Variants in ABCA13 observed in about 807,000 individuals in gnomAD.
The protein encoded by ABCA13 is ATP-binding cassette sub-family A member 13.
ABCA13 carries 476 observed loss-of-function variants against 478.7 expected under a neutral mutation model. The observed-to-expected ratio is 0.99, with a 90% confidence interval of 0.92 to 1.07. The LOEUF (loss-of-function observed/expected upper bound fraction) is 1.07, where lower values mean the gene tolerates loss of function less well. ABCA13 is among the 50% of genes least tolerant of loss of function. ABCA13 has a pLI of 0.00. For synonymous variants in ABCA13, 2,252 were observed against 2,158.9 expected (o/e 1.04, Z -1.20); for missense variants, 6,060 against 5,910.6 (o/e 1.03, Z -0.83).
At chr7:48,574,690 G>A (rs1787995298) in intron 55 of ABCA13, among the ~76,000 whole-genome samples, 1 of 152,070 alleles carries the variant, frequency 6.6e-6, no homozygotes, top group Non-Finnish European at 1.5e-5. Flanking sequence ...GCTTTGCTTA[G>A]CTCCTCTGCC....
At position 48,352,251 on chromosome 7, in the gene ABCA13, C is replaced by G. The variant is rs1809133026; in HGVS notation, c.10452C>G (p.Val3484=). ...RSESVKLPPH[V]SYTIRTNVLY... is the part of the protein sequence containing the mutation. Reference sequence around the variant, plus strand: ...AGTCTGTCAAACTGCCACCCCATGTCTCATACACAATCCGGACCAATGTGT... The same window carrying G: ...AGTCTGTCAAACTGCCACCCCATGTGTCATACACAATCCGGACCAATGTGT... Residue 3484 remains valine (V), a synonymous_variant, in exon 31 of 62, where the codon GTC becomes GTG. Transcript: ENST00000435803. 6.2e-7 allele frequency: 1 copy of G among 1,613,754 alleles called. No individual in the cohort carries two copies. The highest frequency in any genetic ancestry group is 1.3e-5 in the African/African-American group (1 of 74,890).
At chr7:48,565,310 G>A (rs965914141) in intron 55 of ABCA13, among the ~76,000 whole-genome samples, 3 of 147,530 alleles carry the variant, frequency 2.0e-5, no homozygotes, top group African/African-American at 7.6e-5. Flanking sequence ...ATAATTGTGT[G>A]TTAATTTTTC....
At chr7:48,302,017 G>T (rs1800219235) in intron 23 of ABCA13, among the ~76,000 whole-genome samples, 1 of 152,158 alleles carries the variant, frequency 6.6e-6, no homozygotes, top group African/African-American at 2.4e-5. Flanking sequence ...AAGGGCATTT[G>T]TGTCTCATTT....
intron 56 of ABCA13, among the ~76,000 whole-genome samples, chr7:48,585,421 C>A (rs1789089398): frequency 6.6e-6 from 1 of 152,054 alleles, no homozygotes; most frequent in Non-Finnish European, 1.5e-5. Context: ...TCTTTTAGGC[C>A]TTGAAATCTG....
chr7:48,549,075 C>T (rs1335231536), intron 55 of ABCA13, among the ~76,000 whole-genome samples: 8 of 151,596 alleles, frequency 5.3e-5, no homozygotes, highest in Admixed American at 5.3e-4. Flanking sequence ...ACTTTAAGTT[C>T]CAGGATACAA....
At chr7:48,528,387 A>G in intron 55 of ABCA13, 42 bp downstream of exon 55, 2 of 1,355,456 alleles carry the variant, frequency 1.5e-6, no homozygotes, top group Non-Finnish European at 2.0e-6. Context: ...TAAAGAGATA[A>G]TAAGCCCAGA....
In ABCA13 at chr7:48,278,735, A is replaced by T; in HGVS notation, c.7541A>T (p.Asp2514Val). Residue 2514 changes from aspartate (D) to valine (V), a missense_variant, in exon 18 of 62, where the codon GAT becomes GTT. Physicochemically the swap from Asp to Val is radical, Grantham distance 152 (BLOSUM62 -3). Around this residue, in one of 3 missense-constraint regions of ABCA13, gnomAD observed 4,423 missense variants for 4,309.1 expected, o/e 1.03. Coordinates refer to ENST00000435803, the MANE Select transcript of ABCA13 (RefSeq NM_152701.5). Reference sequence around the variant, plus strand: ...TTGAATGACAGTGCTGACCTGAGAGATCTTGCCACATCAATGGACTCCATT... The same window carrying T: ...TTGAATGACAGTGCTGACCTGAGAGTTCTTGCCACATCAATGGACTCCATT... ...MLLNDSADLR[D>V]LATSMDSIVK... 6.2e-7 allele frequency: 1 copy of T among 1,613,960 alleles called. No individual in the cohort carries two copies. The highest frequency in any genetic ancestry group is 8.5e-7 in the Non-Finnish European group (1 of 1,179,878).
chr7:48,552,531 T>C (rs1785421623), intron 55 of ABCA13, among the ~76,000 whole-genome samples: 1 of 151,456 alleles, frequency 6.6e-6, no homozygotes, highest in Non-Finnish European at 1.5e-5. Context: ...TCTTGGTTTT[T>C]AGCAAGGTTT....
intron 30 of ABCA13, 56 bp downstream of exon 30, chr7:48,350,875 ATTTTGG>A: frequency 6.5e-7 from 1 of 1,547,306 alleles, no homozygotes; most frequent in Non-Finnish European, 8.8e-7. Context: ...GTAAGTTGTC[ATTTTGG>A]GAGTTTCTCC....
intron 54 of ABCA13, among the ~76,000 whole-genome samples, chr7:48,526,825 G>A (rs1832919792): frequency 6.6e-6 from 1 of 152,078 alleles, no homozygotes; most frequent in African/African-American, 2.4e-5. Context: ...TCTCCATCTA[G>A]AAATTAATAA....
At chr7:48,554,190 G>A (rs1175023844) in intron 55 of ABCA13, among the ~76,000 whole-genome samples, 2 of 151,994 alleles carry the variant, frequency 1.3e-5, no homozygotes, top group African/African-American at 2.4e-5. Flanking sequence ...CTATGTGCCT[G>A]TTTTTATGCC....
At chr7:48,386,693 T>G (rs931309594) in intron 35 of ABCA13, among the ~76,000 whole-genome samples, 2 of 152,174 alleles carry the variant, frequency 1.3e-5, no homozygotes, top group African/African-American at 4.8e-5. Flanking sequence ...TGCAGAAAAT[T>G]GAAACTGAAC....
At chr7:48,536,948 AG>A (rs1833625325) in intron 55 of ABCA13, among the ~76,000 whole-genome samples, 1 of 151,980 alleles carries the variant, frequency 6.6e-6, no homozygotes. Flanking sequence ...GTGTTTCCTT[AG>A]AAACTCATTA....
In ABCA13 at chr7:48,229,898, C is replaced by T. The variant is rs1332798139; in HGVS notation, c.706C>T (p.Leu236=). The change falls in exon 7 of 62, where the codon CTG becomes TTG. Residue 236 remains leucine (L), a synonymous_variant. Coordinates refer to ENST00000435803, the MANE Select transcript of ABCA13 (RefSeq NM_152701.5). ...TTTTTCCCAGGTTTCTGAACTTGTA[C>T]TGAATGTGACCATTTCGACACTGAC... ...QTFSQVSELV[L]NVTISTLTFL... 2 of 1,613,902 alleles carry T rather than the reference C, an allele frequency of 1.2e-6. No individual in the cohort carries two copies. The highest frequency in any genetic ancestry group is 1.1e-5 in the South Asian group (1 of 91,090).
At chr7:48,403,310 A>G (rs183780377) in intron 38 of ABCA13, among the ~76,000 whole-genome samples, 86 of 152,314 alleles carry the variant, frequency 5.6e-4, no homozygotes, top group Non-Finnish European at 1.1e-3. Context: ...TTCTGACCAC[A>G]CTGGTACATC....
rs77668660 is a variant in ABCA13 at position 48,522,942 on chromosome 7, G to A, written c.14052-1306G>A. Among the ~76,000 whole-genome samples the A allele has an allele frequency of 2.7e-3, 406 of 152,334 alleles. 2 individuals are homozygous for A. The highest frequency in any genetic ancestry group is 5.0e-3 in the Non-Finnish European group (341 of 68,026). ...AGTGGGAAGACTTCCAAAAGTCCAG[G>A]ATAGGGTGAAAGGTCAATAAACACA... On this transcript the variant is annotated intron_variant, in intron 53 of 61. Transcript: ENST00000435803.
At chr7:48,300,671 T>A (rs948604382) in intron 23 of ABCA13, among the ~76,000 whole-genome samples, 62 of 152,170 alleles carry the variant, frequency 4.1e-4, no homozygotes, top group African/African-American at 1.3e-3. Context: ...TACCATCTCA[T>A]TTTTCTTTCC....
chr7:48,360,752 A>G (rs761171447), intron 31 of ABCA13, among the ~76,000 whole-genome samples: 8 of 151,994 alleles, frequency 5.3e-5, no homozygotes, highest in Non-Finnish European at 1.2e-4. Flanking sequence ...TTTTTGTGCT[A>G]CATACTCATT....
intron 41 of ABCA13, among the ~76,000 whole-genome samples, chr7:48,413,664 G>A (rs1411026803): frequency 6.6e-6 from 1 of 152,154 alleles, no homozygotes; most frequent in East Asian, 1.9e-4. Context: ...TGATTCCTTG[G>A]GTTAGTGATG....
Sources: allele counts gnomAD v4.1 joint callset (sites outside exome capture counted in the v4.1 genomes callset), GRCh38; gene constraint gnomAD v4.1.1; regional missense constraint gnomAD v4.1.1; transcripts MANE v1.5; gene names NCBI Gene and HGNC (gene_info 2026-07-23, HGNC 2026-07-21).